RHPN2: variants seen among roughly 807,000 people sequenced by gnomAD.
The protein encoded by RHPN2 is rhophilin Rho GTPase binding protein 2.
RHPN2 carries 40 observed loss-of-function variants against 79.0 expected under a neutral mutation model. The ratio of observed to expected loss-of-function variants is 0.51; its 90% CI spans 0.39 to 0.66. The LOEUF (loss-of-function observed/expected upper bound fraction) is 0.66, where lower values mean the gene tolerates loss of function less well. Ranked by LOEUF, RHPN2 falls within the 30% of genes least tolerant of loss-of-function variation. RHPN2 has a pLI of 0.00. For missense variants in RHPN2, 686 were observed against 883.5 expected (o/e 0.78, Z 2.83); for synonymous variants, 285 against 363.5 (o/e 0.78, Z 2.46).
intron 1 of RHPN2, among the ~76,000 whole-genome samples, chr19:33,057,213 C>T (rs947168087): frequency 2.0e-5 from 3 of 150,040 alleles, no homozygotes; most frequent in Non-Finnish European, 3.0e-5. Context: ...CTTTGTGGCT[C>T]ATGCCTGTTG....
chr19:33,002,470 GA>G, intron 8 of RHPN2, 67 bp from the exon 9 acceptor site: 2 of 1,593,458 alleles, frequency 1.3e-6, no homozygotes, highest in Non-Finnish European at 1.7e-6. Context: ...CATTTGCAGA[GA>G]AAGAGCCCTT....
chr19:32,996,074 G>A lies in RHPN2; in HGVS notation c.1372C>T (p.Gln458Ter). ...AGGTTCAGCAGGTCATCCTCCTCCT[G>A]GTGCTGGGCGTACGTGAGCCGGGAG... ...ERSRLTYAQH[Q>*]EEDDLLNLID... Residue 458 changes from glutamine (Q) to a stop codon, truncating the protein, a stop_gained, in exon 11 of 15, where the codon CAG becomes TAG. Transcript: ENST00000254260. LOFTEE classifies it high-confidence loss of function. 1 of 1,614,004 alleles carries A rather than the reference G, an allele frequency of 6.2e-7. No individual in the cohort carries two copies. The highest frequency in any genetic ancestry group is 8.5e-7 in the Non-Finnish European group (1 of 1,179,876).
At chr19:33,035,697 T>C (rs1972050535) in intron 2 of RHPN2, among the ~76,000 whole-genome samples, 1 of 152,216 alleles carries the variant, frequency 6.6e-6, no homozygotes, top group South Asian at 2.1e-4. Context: ...TAGCCATTCC[T>C]AGCCTCTAAA....
Position 32,983,055 on chromosome 19 carries a change from T to TACACACACACACACACACAC in RHPN2, c.1801-2819_1801-2800dup, listed in dbSNP as rs57230466. On this transcript the variant is annotated intron_variant, in intron 14 of 14. Transcript: ENST00000254260. ...CAGGCACCCTTGCCTCCCAGATCTC[T>TACACACACACACACACACAC]ACACACACACACACACACACACACA... 8.3e-3 allele frequency among the ~76,000 whole-genome samples: 855 copies of TACACACACACACACACACAC among 103,262 alleles called. 34 individuals are homozygous for TACACACACACACACACACAC. Among genetic ancestry groups the TACACACACACACACACACAC allele is most frequent in the Middle Eastern group, 0.015 (3 of 202 alleles). 67.7% of individuals were successfully genotyped at this position (103,262 alleles called of 152,430 possible).
chr19:32,994,105 G>T, intron 11 of RHPN2, 52 bp from the exon 12 acceptor site: 1 of 1,302,750 alleles, frequency 7.7e-7, no homozygotes, highest in Non-Finnish European at 1.1e-6. Flanking sequence ...AATTGAAAGT[G>T]ATCCTAATAG....
At chr19:32,995,454 C>A (rs181647467) in intron 11 of RHPN2, among the ~76,000 whole-genome samples, 23 of 152,196 alleles carry the variant, frequency 1.5e-4, no homozygotes, top group Non-Finnish European at 2.9e-4. Context: ...CAGCTACATA[C>A]CCCCACCAGC....
chr19:33,023,536 C>T (rs2145247694), intron 3 of RHPN2, among the ~76,000 whole-genome samples: 1 of 151,978 alleles, frequency 6.6e-6, no homozygotes, highest in African/African-American at 2.4e-5. Context: ...ACCTGTAATC[C>T]CAGCTCTTTG....
chr19:32,994,824 G>T (rs1244100123), intron 11 of RHPN2, among the ~76,000 whole-genome samples: 1 of 152,030 alleles, frequency 6.6e-6, no homozygotes, highest in Non-Finnish European at 1.5e-5. Context: ...TTAGCCAGGC[G>T]TGGTGGCATG....
intron 2 of RHPN2, among the ~76,000 whole-genome samples, chr19:33,027,778 G>A (rs191735282): frequency 6.6e-6 from 1 of 152,136 alleles, no homozygotes; most frequent in African/African-American, 2.4e-5. Flanking sequence ...GACTTCAACA[G>A]ATATTGAAAA....
intron 10 of RHPN2, 80 bp from the exon 11 acceptor site, chr19:32,996,300 T>C (rs1971701542): frequency 4.1e-6 from 6 of 1,468,778 alleles, no homozygotes; most frequent in South Asian, 3.5e-5. Context: ...GCCCAAGAGG[T>C]TGGATGTTCT....
intron 6 of RHPN2, among the ~76,000 whole-genome samples, chr19:33,011,325 C>T (rs1392385414): frequency 6.6e-6 from 1 of 152,148 alleles, no homozygotes; most frequent in Non-Finnish European, 1.5e-5. Context: ...CTCACACATA[C>T]ACATGCATGC....
intron 2 of RHPN2, among the ~76,000 whole-genome samples, chr19:33,029,021 T>G (rs28840750): frequency 0.078 from 11,810 of 151,868 alleles, 588 homozygotes; most frequent in South Asian, 0.23. Flanking sequence ...ACACCTATAA[T>G]CCCAGCTACT....
chr19:33,014,091 C>T (rs10417111), intron 4 of RHPN2, among the ~76,000 whole-genome samples: 14,894 of 151,116 alleles, frequency 0.099, 902 homozygotes, highest in South Asian at 0.24. Context: ...GCCCCACCCC[C>T]GCCCCTACAA....
At chr19:33,012,468 C>T (rs1474901283) in intron 5 of RHPN2, among the ~76,000 whole-genome samples, 179 bp downstream of exon 5, 5 of 152,020 alleles carry the variant, frequency 3.3e-5, no homozygotes, top group Admixed American at 2.0e-4. Flanking sequence ...CATGAACCAC[C>T]GCGCCTGGCC....
intron 1 of RHPN2, among the ~76,000 whole-genome samples, chr19:33,055,502 C>T (rs796795123): frequency 3.3e-5 from 5 of 152,172 alleles, no homozygotes; most frequent in Admixed American, 1.3e-4. Context: ...TCTAAACAGC[C>T]GGAGGGGTAG....
At chr19:33,034,928 G>A (rs1240961652) in intron 2 of RHPN2, among the ~76,000 whole-genome samples, 1 of 152,050 alleles carries the variant, frequency 6.6e-6, no homozygotes, top group Non-Finnish European at 1.5e-5. Context: ...GTGAGACCCT[G>A]TCTCTAAAAC....
chr19:32,981,427 C>T (rs185341538), intron 14 of RHPN2, among the ~76,000 whole-genome samples: 7,621 of 25,182 alleles, frequency 0.3, 518 homozygotes, highest in African/African-American at 0.41. Context: ...AGGGGGGGGG[C>T]GGGGGGAAGG....
At position 32,990,497 on chromosome 19, in the gene RHPN2, G is replaced by A; in HGVS notation, c.1800+17C>T. ...TCCACGCCACCACTGACTGCCCAGG[G>A]AGGTGTCAGCGCTCACCATGGATGA... On this transcript the variant is annotated intron_variant, in intron 14 of 14. Coordinates refer to ENST00000254260, the MANE Select transcript of RHPN2 (RefSeq NM_033103.5). The A allele has an allele frequency of 2.5e-6, 4 of 1,613,592 alleles. No homozygotes were observed. The highest frequency in any genetic ancestry group is 3.4e-6 in the Non-Finnish European group (4 of 1,179,670).
intron 2 of RHPN2, among the ~76,000 whole-genome samples, chr19:33,029,035 G>A (rs937880996): frequency 6.6e-6 from 1 of 152,014 alleles, no homozygotes; most frequent in African/African-American, 2.4e-5. Context: ...AGCTACTCGG[G>A]AGCCTGATGC....
Sources: gnomAD v4.1 joint callset for allele counts (sites outside exome capture counted in the v4.1 genomes callset) on GRCh38, gnomAD v4.1.1 for gene constraint, MANE v1.5 for transcripts, NCBI Gene and HGNC (gene_info 2026-07-23, HGNC 2026-07-21) for gene names.